The following MORF4L1 variants were observed in gnomAD, a reference collection of about 807,000 sequenced individuals.
MORF4L1 encodes mortality factor 4-like protein 1.
In MORF4L1, 4 loss-of-function variants were observed where a neutral mutation model predicts 52.9. That is an observed-to-expected ratio of 0.08 (90% confidence interval 0.04 to 0.17). MORF4L1 has a LOEUF of 0.17. MORF4L1 is among the 10% of genes least tolerant of loss of function. MORF4L1 has a pLI of 1.00. For missense variants in MORF4L1, 214 were observed against 390.4 expected (o/e 0.55, Z 3.81); for synonymous variants, 123 against 134.8 (o/e 0.91, Z 0.61).
At chr15:78,892,391 TTA>T in intron 8 of MORF4L1, 78 bp downstream of exon 8, 3 of 907,222 alleles carry the variant, frequency 3.3e-6, no homozygotes, top group Non-Finnish European at 5.3e-6. Context: ...AAGGAAAATG[TTA>T]TATTGACTTG....
At chr15:78,887,442 G>A in intron 5 of MORF4L1, 93 bp downstream of exon 5, 3 of 1,119,684 alleles carry the variant, frequency 2.7e-6, no homozygotes, top group Non-Finnish European at 3.8e-6. Flanking sequence ...TGGAAACTTT[G>A]GAACATTGTT....
intron 4 of MORF4L1, among the ~76,000 whole-genome samples, chr15:78,886,683 C>T (rs551967937): frequency 2.0e-5 from 3 of 152,198 alleles, no homozygotes; most frequent in Admixed American, 6.5e-5. Flanking sequence ...TGGCTGGGCG[C>T]AGTGGCTCAC....
chr15:78,894,373 C>A, intron 10 of MORF4L1, 143 bp downstream of exon 10: 1 of 593,246 alleles, frequency 1.7e-6, no homozygotes, highest in Non-Finnish European at 2.7e-6. Context: ...AGCAAAATCT[C>A]TTTAGGAGCA....
chr15:78,878,607 T>C (rs142837278), intron 2 of MORF4L1, among the ~76,000 whole-genome samples: 9 of 152,296 alleles, frequency 5.9e-5, no homozygotes, highest in African/African-American at 2.2e-4. Context: ...ATATGCTGAG[T>C]AAGCATTGAG....
At chr15:78,891,414 C>A in intron 6 of MORF4L1, 70 bp from the exon 7 acceptor site, 1 of 1,162,010 alleles carries the variant, frequency 8.6e-7, no homozygotes, top group Non-Finnish European at 1.3e-6. Context: ...GTTAATGTGT[C>A]AAGAGACTAT....
chr15:78,884,541 A>T (rs2056661110), intron 3 of MORF4L1, among the ~76,000 whole-genome samples: 1 of 150,478 alleles, frequency 6.6e-6, no homozygotes, highest in South Asian at 2.1e-4. Flanking sequence ...CAGGAGGCTG[A>T]GGCAGGAGAA....
chr15:78,876,421 T>C, intron 1 of MORF4L1: 1 of 390,794 alleles, frequency 2.6e-6, no homozygotes, highest in South Asian at 1.8e-5. Flanking sequence ...TGTTTTGTTT[T>C]GTTTAGATTT....
chr15:78,886,976 TAA>T (rs1311640534), intron 4 of MORF4L1, among the ~76,000 whole-genome samples: 1 of 150,678 alleles, frequency 6.6e-6, no homozygotes, highest in Non-Finnish European at 1.5e-5. Context: ...AAAAAAGAAT[TAA>T]AATGGTAATG....
chr15:78,876,076 T>G (rs534883534), intron 1 of MORF4L1, among the ~76,000 whole-genome samples: 1 of 152,000 alleles, frequency 6.6e-6, no homozygotes, highest in South Asian at 2.1e-4. Context: ...TAGCTGGGAT[T>G]ATAGGCACGC....
At chr15:78,894,314 C>G in intron 10 of MORF4L1, 84 bp downstream of exon 10, 1 of 1,046,732 alleles carries the variant, frequency 9.6e-7, no homozygotes, top group Non-Finnish European at 1.3e-6. Flanking sequence ...ATTAACTTTC[C>G]AAAACATGAC....
chr15:78,875,699 TC>T (rs1480890510), intron 1 of MORF4L1, among the ~76,000 whole-genome samples: 1 of 151,318 alleles, frequency 6.6e-6, no homozygotes, highest in Non-Finnish European at 1.5e-5. Context: ...AGACAGGAAA[TC>T]GCTTGAACCC....
chr15:78,888,125 C>G (rs2056738528), intron 5 of MORF4L1, among the ~76,000 whole-genome samples: 1 of 152,040 alleles, frequency 6.6e-6, no homozygotes. Context: ...GATAAGAAGC[C>G]TAGAGTGAGA....
At chr15:78,891,186 C>A in intron 6 of MORF4L1, 172 bp downstream of exon 6, 1 of 819,430 alleles carries the variant, frequency 1.2e-6, no homozygotes, top group Non-Finnish European at 1.9e-6. Flanking sequence ...CTCTTTTTGC[C>A]AAGGAGAAAC....
chr15:78,893,712 G>A lies in MORF4L1; in HGVS notation c.629+85G>A, dbSNP rs926721895. 83 of 885,516 alleles carry A rather than the reference G, an allele frequency of 9.4e-5. 1 individual carries two copies. The highest frequency in any genetic ancestry group is 2.3e-4 in the Middle Eastern group (1 of 4,430). 54.9% of individuals were successfully genotyped at this position (885,516 alleles called of 1,614,324 possible). A position where few individuals can be genotyped will look rare whatever the true frequency, so the allele number is the denominator to read the frequency against. Reference sequence around the variant, plus strand: ...GTCATCTGAAACTTGTACTGACTCCGAAACATTAATACCACCAGAAACTAG... The same window carrying A: ...GTCATCTGAAACTTGTACTGACTCCAAAACATTAATACCACCAGAAACTAG... On this transcript the variant is annotated intron_variant, in intron 9 of 11. Transcript: ENST00000426013.
At chr15:78,877,317 C>G (rs959697875) in intron 1 of MORF4L1, among the ~76,000 whole-genome samples, 1 of 152,046 alleles carries the variant, frequency 6.6e-6, no homozygotes, top group Non-Finnish European at 1.5e-5. Context: ...GACAGGGTTT[C>G]GCCTGTTGGC....
rs1173493188 is a variant in MORF4L1 at position 78,898,095 on chromosome 15, A to G, written c.*1028A>G. The G allele has an allele frequency of 6.6e-6, 1 of 152,232 alleles. No individual in the cohort carries two copies. Among genetic ancestry groups the G allele is most frequent in the East Asian group, 1.9e-4 (1 of 5,206 alleles). 9.4% of individuals were successfully genotyped at this position (152,232 alleles called of 1,614,324 possible). A position where few individuals can be genotyped will look rare whatever the true frequency, so the allele number is the denominator to read the frequency against. On this transcript the variant is annotated 3_prime_UTR_variant, in exon 12 of 12. Coordinates refer to ENST00000426013, the MANE Select transcript of MORF4L1 (RefSeq NM_006791.4). ...CTAGAAACATGAGCCAAAAATGTCA[A>G]TAGACAACACAGTATTAAAATAACC...
chr15:78,892,684 G>T (rs181398604), intron 8 of MORF4L1: 1 of 161,842 alleles, frequency 6.2e-6, no homozygotes, highest in East Asian at 1.8e-4. Context: ...ACCCTGAAAA[G>T]AACCTGAATC....
intron 5 of MORF4L1, among the ~76,000 whole-genome samples, chr15:78,890,232 A>G (rs528854493): frequency 2.8e-5 from 4 of 145,298 alleles, no homozygotes; most frequent in East Asian, 2.3e-4. Flanking sequence ...AAAATTAGCA[A>G]TTTACCATTT....
Position 78,872,929 on chromosome 15 carries a change from C to A in MORF4L1, c.-89C>A. ...ATGTAGAGCTGGCAGTGCCTGACGG[C>A]GCGTCTGACGCGGAGTTGGGTGGGG... On this transcript the variant is annotated 5_prime_UTR_variant, in exon 1 of 12. Coordinates refer to ENST00000426013, the MANE Select transcript of MORF4L1 (RefSeq NM_006791.4). 6.7e-7 allele frequency: 1 copy of A among 1,500,800 alleles called. No homozygotes were observed. Among genetic ancestry groups the A allele is most frequent in the East Asian group, 2.6e-5 (1 of 38,794 alleles). The allele number at this position is 1,500,800 out of a possible 1,614,324, so 93.0% of individuals were successfully genotyped here.
Sources: allele counts gnomAD v4.1 joint callset (sites outside exome capture counted in the v4.1 genomes callset), GRCh38; gene constraint gnomAD v4.1.1; transcripts MANE v1.5; gene names NCBI Gene and HGNC (gene_info 2026-07-23, HGNC 2026-07-21).